Variants in THSD7B observed in about 807,000 individuals in gnomAD.
The protein encoded by THSD7B is thrombospondin type 1 domain containing 7B, also known as thrombospondin type-1 domain-containing protein 7B.
Under a neutral mutation model 213.6 loss-of-function variants are expected in THSD7B, and 138 were observed. The observed-to-expected ratio is 0.65, with a 90% CI of 0.56 to 0.74. THSD7B has a LOEUF of 0.74. Ranked by LOEUF, THSD7B falls within the 30% of genes least tolerant of loss-of-function variation. The pLI is 0.00. For missense variants in THSD7B, 1,931 were observed against 1,991.5 expected (o/e 0.97, Z 0.58); for synonymous variants, 742 against 687.0 (o/e 1.08, Z -1.25).
chr2:137,417,123 A>G (rs968113729), intron 14 of THSD7B, among the ~76,000 whole-genome samples: 6 of 152,250 alleles, frequency 3.9e-5, no homozygotes, highest in Non-Finnish European at 7.3e-5. Flanking sequence ...AGGTATAGAT[A>G]GAACACAAAG....
At chr2:137,177,053 T>A (rs996618671) in intron 7 of THSD7B, among the ~76,000 whole-genome samples, 2 of 152,202 alleles carry the variant, frequency 1.3e-5, no homozygotes, top group Admixed American at 6.5e-5. Flanking sequence ...ATGTTGATGA[T>A]AGTTTTTAAA....
At chr2:137,077,900 C>T (rs1476981263) in intron 3 of THSD7B, among the ~76,000 whole-genome samples, 3 of 152,268 alleles carry the variant, frequency 2.0e-5, no homozygotes, top group African/African-American at 4.8e-5. Flanking sequence ...AGTCCTTGTC[C>T]ATGCCTATGT....
At chr2:136,772,684 G>A (rs1681530122) in intron 1 of THSD7B, among the ~76,000 whole-genome samples, 2 of 152,104 alleles carry the variant, frequency 1.3e-5, no homozygotes, top group Admixed American at 1.3e-4. Flanking sequence ...GTGATTTGGT[G>A]AGGTGAGTGC....
intron 1 of THSD7B, among the ~76,000 whole-genome samples, chr2:136,808,795 G>A (rs746395338): frequency 1.7e-4 from 26 of 152,168 alleles, no homozygotes; most frequent in Non-Finnish European, 2.8e-4. Context: ...ACCTGAGGTC[G>A]TCTGGTCTTT....
intron 2 of THSD7B, among the ~76,000 whole-genome samples, chr2:136,909,841 CT>C (rs1043605350): frequency 2.0e-5 from 3 of 152,078 alleles, no homozygotes; most frequent in African/African-American, 7.2e-5. Flanking sequence ...TTGTTTTGTT[CT>C]AGTTTTGCTA....
chr2:136,995,438 C>T (rs1444826927), intron 2 of THSD7B, among the ~76,000 whole-genome samples: 2 of 152,150 alleles, frequency 1.3e-5, no homozygotes, highest in Non-Finnish European at 2.9e-5. Context: ...TTCTTCCTGA[C>T]TATATTTCTA....
At chr2:136,820,782 A>G (rs1009111006) in intron 1 of THSD7B, among the ~76,000 whole-genome samples, 4 of 152,230 alleles carry the variant, frequency 2.6e-5, no homozygotes, top group African/African-American at 9.6e-5. Flanking sequence ...CTTACAAAAT[A>G]CATATGAAGT....
chr2:137,328,316 T>G (rs80313481), intron 12 of THSD7B, among the ~76,000 whole-genome samples: 6,935 of 152,310 alleles, frequency 0.046, 491 homozygotes, highest in African/African-American at 0.15. Context: ...ATACAGTCAC[T>G]AGTTTCTAGT....
chr2:136,766,131 T>C (rs1681385350), intron 1 of THSD7B, among the ~76,000 whole-genome samples: 1 of 152,026 alleles, frequency 6.6e-6, no homozygotes, highest in Non-Finnish European at 1.5e-5. Flanking sequence ...AGGCCGGGAG[T>C]TGTTCTGCAG....
At chr2:137,215,796 T>C (rs1466661986) in intron 7 of THSD7B, among the ~76,000 whole-genome samples, 2 of 152,220 alleles carry the variant, frequency 1.3e-5, no homozygotes, top group Admixed American at 1.3e-4. Flanking sequence ...TTCCAAATTT[T>C]GAATATTTCT....
intron 26 of THSD7B, 59 bp downstream of exon 26, chr2:137,663,634 C>A: frequency 1.4e-6 from 2 of 1,427,522 alleles, no homozygotes; most frequent in South Asian, 2.8e-5. Context: ...TATATTTTGA[C>A]CACTTCTCAT....
chr2:136,857,192 A>G (rs1683191306), intron 1 of THSD7B, among the ~76,000 whole-genome samples: 1 of 152,222 alleles, frequency 6.6e-6, no homozygotes, highest in African/African-American at 2.4e-5. Context: ...ACCAATTTGG[A>G]AATATGAATT....
chr2:136,946,508 C>G (rs1197051074), intron 2 of THSD7B, among the ~76,000 whole-genome samples: 1 of 150,202 alleles, frequency 6.7e-6, no homozygotes, highest in Non-Finnish European at 1.5e-5. Flanking sequence ...AACCACTGCT[C>G]TCTTCAGAGC....
rs190207020 is a variant in THSD7B at position 137,097,714 on chromosome 2, C to T, written c.1199+2593C>T. Among the ~76,000 whole-genome samples, 5 of 151,532 alleles carry T rather than the reference C, an allele frequency of 3.3e-5. No individual in the cohort carries two copies. The East Asian group carries it at 9.7e-4, about 29-fold the overall frequency. On this transcript the variant is annotated intron_variant, in intron 4 of 27. Transcript: ENST00000409968. ...TCTGAAAATAGAGGCTGACAGACTT[C>T]ACTGGTGATGATCCTGGCCCTCTAG...
At chr2:137,288,120 A>G (rs1683227670) in intron 12 of THSD7B, among the ~76,000 whole-genome samples, 1 of 152,036 alleles carries the variant, frequency 6.6e-6, no homozygotes, top group South Asian at 2.1e-4. Flanking sequence ...TCATTTCTAA[A>G]GAGAACAGAA....
Position 136,949,542 on chromosome 2 carries a change from T to C in THSD7B, c.139+67225T>C, listed in dbSNP as rs1362296909. Among the ~76,000 whole-genome samples, 3 of 152,332 alleles carry C rather than the reference T, an allele frequency of 2.0e-5. No homozygotes were observed. In the East Asian group the frequency reaches 5.8e-4, roughly 29 times the overall value. On this transcript the variant is annotated intron_variant, in intron 2 of 27. Coordinates refer to ENST00000409968, the MANE Select transcript of THSD7B (RefSeq NM_001316349.2). Reference sequence around the variant, plus strand: ...GTCTGCAGTTTGCTGTTTCCCAGCGTGGTTGCTGCGCTGCCCTGTAATGCA... The same window carrying C: ...GTCTGCAGTTTGCTGTTTCCCAGCGCGGTTGCTGCGCTGCCCTGTAATGCA...
intron 17 of THSD7B, among the ~76,000 whole-genome samples, chr2:137,585,207 G>A (rs553707835): frequency 6.6e-6 from 1 of 151,962 alleles, no homozygotes; most frequent in Non-Finnish European, 1.5e-5. Flanking sequence ...TTCTTTTATT[G>A]CATCTGTTTG....
rs76786881 is a variant in THSD7B at position 137,454,232 on chromosome 2, A to T, written c.3138+3209A>T. Among the ~76,000 whole-genome samples the T allele has an allele frequency of 5.3e-5, 8 of 152,302 alleles. No individual in the cohort carries two copies. The East Asian group carries it at 1.5e-3, about 29-fold the overall frequency. On this transcript the variant is annotated intron_variant, in intron 15 of 27. Transcript: ENST00000409968. ...TAGTTTACATTTGCACCAAATGTGT[A>T]TAAGGAATCACTTTTCTCCACACAT...
intron 7 of THSD7B, among the ~76,000 whole-genome samples, chr2:137,203,783 T>A (rs912604120): frequency 2.6e-5 from 4 of 152,048 alleles, no homozygotes; most frequent in Admixed American, 1.3e-4. Context: ...ATGCAGTGTA[T>A]TTCTTACTTT....
Sources: allele counts gnomAD v4.1 joint callset (sites outside exome capture counted in the v4.1 genomes callset), GRCh38; gene constraint gnomAD v4.1.1; transcripts MANE v1.5; gene names NCBI Gene and HGNC (gene_info 2026-07-23, HGNC 2026-07-21).